Variants in ASCC1 observed in about 807,000 individuals in gnomAD.
The protein encoded by ASCC1 is activating signal cointegrator 1 complex subunit 1.
Under a neutral mutation model 46.6 loss-of-function variants are expected in ASCC1, and 35 were observed. The ratio of observed to expected loss-of-function variants is 0.75; its 90% confidence interval spans 0.57 to 0.99. The LOEUF is 0.99. Ranked by LOEUF, ASCC1 falls within the 50% of genes least tolerant of loss-of-function variation. ASCC1 has a pLI of 0.00. For synonymous variants in ASCC1, 143 were observed against 146.6 expected (o/e 0.98, Z 0.18); for missense variants, 376 against 428.7 (o/e 0.88, Z 1.09).
chr10:72,149,280 T>C (rs908598593), intron 7 of ASCC1, among the ~76,000 whole-genome samples: 5 of 151,424 alleles, frequency 3.3e-5, no homozygotes, highest in East Asian at 1.9e-4. Context: ...CTACTAAAAA[T>C]ACAAAAAATT....
chr10:72,147,954 CA>C (rs1191818518), intron 7 of ASCC1, among the ~76,000 whole-genome samples: 2 of 152,168 alleles, frequency 1.3e-5, no homozygotes. Context: ...GTCCATAGGT[CA>C]AAACTATTTT....
intron 5 of ASCC1, chr10:72,189,922 A>G: frequency 1.4e-6 from 1 of 696,090 alleles, no homozygotes; most frequent in Non-Finnish European, 2.6e-6. Context: ...GTCTGGCGGC[A>G]GCCATCAGGT....
intron 3 of ASCC1, among the ~76,000 whole-genome samples, chr10:72,208,785 T>TTGTG (rs879575195): frequency 2.0e-5 from 3 of 147,978 alleles, no homozygotes; most frequent in African/African-American, 5.0e-5. Flanking sequence ...GTGTGTGTGT[T>TTGTG]TGTGTGTGTG....
chr10:72,101,335 G>A (rs1006904934), intron 9 of ASCC1, among the ~76,000 whole-genome samples: 1 of 152,148 alleles, frequency 6.6e-6, no homozygotes, highest in African/African-American at 2.4e-5. Flanking sequence ...TAAAGGTTAA[G>A]TGCGTGAGAT....
chr10:72,180,591 A>C (rs968123879), intron 5 of ASCC1, among the ~76,000 whole-genome samples: 2 of 152,230 alleles, frequency 1.3e-5, no homozygotes, highest in African/African-American at 4.8e-5. Context: ...GCACCACTGC[A>C]TTCCAGCCTG....
At chr10:72,194,744 GTTTGTTT>G (rs1409784806) in intron 5 of ASCC1, among the ~76,000 whole-genome samples, 23 of 152,068 alleles carry the variant, frequency 1.5e-4, no homozygotes, top group African/African-American at 4.1e-4. Context: ...TTTTGTTTTT[GTTTGTTT>G]TTTGTTTTTG....
rs139060060 is a variant in ASCC1, at chr10:72,184,492, T to A, written c.489+12319A>T. On this transcript the variant is annotated intron_variant, in intron 5 of 9. Transcript: ENST00000672957. ...AATAGATATATAGTGTAAACACTAA[T>A]CAAAAGAAGGTTAGAATGGTTATAT... Among the ~76,000 whole-genome samples the A allele has an allele frequency of 2.4e-3, 363 of 152,138 alleles. 1 individual carries two copies. Among genetic ancestry groups the A allele is most frequent in the African/African-American group, 8.2e-3 (339 of 41,540 alleles).
At chr10:72,100,213 T>C (rs1314620141) in intron 9 of ASCC1, among the ~76,000 whole-genome samples, 1 of 151,912 alleles carries the variant, frequency 6.6e-6, no homozygotes, top group East Asian at 1.9e-4. Context: ...ATCTTACTGC[T>C]TAGTTATTGT....
chr10:72,152,173 TTTTTTTTTTTTTGTTTTTTGTG>T (rs1348832024), intron 7 of ASCC1, among the ~76,000 whole-genome samples: 1 of 108,370 alleles, frequency 9.2e-6, no homozygotes, highest in African/African-American at 8.2e-5. Context: ...TGTTTTTGGG[TTTTTTTTTTTTTGTTTTTTGTG>T]TTTTTTTTTT....
chr10:72,119,133 G>A (rs1291018584), intron 9 of ASCC1, among the ~76,000 whole-genome samples: 1 of 152,244 alleles, frequency 6.6e-6, no homozygotes, highest in Admixed American at 6.5e-5. Context: ...GCTAGAGGCT[G>A]TGTGGACAAG....
At chr10:72,169,684 A>G (rs1424195580) in intron 5 of ASCC1, among the ~76,000 whole-genome samples, 3 of 152,234 alleles carry the variant, frequency 2.0e-5, no homozygotes, top group Non-Finnish European at 4.4e-5. Context: ...TTTTGGAAGC[A>G]CGTTAATGGT....
intron 3 of ASCC1, among the ~76,000 whole-genome samples, chr10:72,209,835 T>A (rs1467951830): frequency 6.6e-6 from 1 of 152,130 alleles, no homozygotes; most frequent in African/African-American, 2.4e-5. Context: ...GTGGTTTGGA[T>A]CTGTGTCCCT....
intron 5 of ASCC1, among the ~76,000 whole-genome samples, chr10:72,169,634 T>C (rs1443210550): frequency 1.3e-5 from 2 of 152,214 alleles, no homozygotes; most frequent in East Asian, 3.8e-4. Context: ...CAAGAATGTG[T>C]GACACTTCTG....
intron 5 of ASCC1, among the ~76,000 whole-genome samples, chr10:72,180,561 G>A (rs574715839): frequency 6.6e-6 from 1 of 152,168 alleles, no homozygotes; most frequent in Non-Finnish European, 1.5e-5. Flanking sequence ...AGGAGGCGGA[G>A]GTTGCAGTGA....
chr10:72,172,590 C>G (rs1209516821), intron 5 of ASCC1, among the ~76,000 whole-genome samples: 1 of 147,396 alleles, frequency 6.8e-6, no homozygotes, highest in Non-Finnish European at 1.5e-5. Context: ...AAGTGATCCG[C>G]TGGCCTCAGT....
At chr10:72,157,374 G>A (rs144496978) in intron 6 of ASCC1, among the ~76,000 whole-genome samples, 1 of 152,128 alleles carries the variant, frequency 6.6e-6, no homozygotes, top group East Asian at 1.9e-4. Context: ...CACATCCTCC[G>A]ACATTTTTAA....
chr10:72,160,671 C>T (rs1387988164), intron 6 of ASCC1, among the ~76,000 whole-genome samples: 2 of 148,538 alleles, frequency 1.3e-5, no homozygotes, highest in African/African-American at 5.0e-5. Context: ...GACTAGCTAG[C>T]CTGGGTAACA....
intron 5 of ASCC1, among the ~76,000 whole-genome samples, chr10:72,168,298 T>C (rs1850628519): frequency 6.6e-6 from 1 of 152,168 alleles, no homozygotes; most frequent in Admixed American, 6.5e-5. Flanking sequence ...TGAATAAAGA[T>C]ATAAAAATGA....
At chr10:72,206,568 G>C (rs1175583427) in intron 3 of ASCC1, among the ~76,000 whole-genome samples, 1 of 152,190 alleles carries the variant, frequency 6.6e-6, no homozygotes, top group Non-Finnish European at 1.5e-5. Context: ...CCTAACGTTA[G>C]TAGATTAAGC....
Sources: allele counts gnomAD v4.1 joint callset (sites outside exome capture counted in the v4.1 genomes callset), GRCh38; gene constraint gnomAD v4.1.1; transcripts MANE v1.5; gene names NCBI Gene and HGNC (gene_info 2026-07-23, HGNC 2026-07-21).